HIVEP1: variants seen among roughly 807,000 people sequenced by gnomAD.
HIVEP1 encodes HIVEP zinc finger 1, also known as zinc finger protein 40.
HIVEP1 carries 36 observed loss-of-function variants against 180.0 expected under a neutral mutation model. The ratio of observed to expected loss-of-function variants is 0.20; its 90% CI spans 0.15 to 0.26. The LOEUF (loss-of-function observed/expected upper bound fraction) is 0.26. HIVEP1 is among the 10% of genes least tolerant of loss of function. The probability of loss-of-function intolerance (pLI) is 1.00; values close to 1 mark genes in which losing one functional copy is unlikely to be tolerated. For missense variants in HIVEP1, 3,143 were observed against 3,268.7 expected (o/e 0.96, Z 0.94); for synonymous variants, 1,239 against 1,239.0 (o/e 1.00, Z 0.00).
chr6:12,125,893 T>C, intron 4 of HIVEP1, 23 bp downstream of exon 4: 1 of 1,452,662 alleles, frequency 6.9e-7, no homozygotes, highest in Non-Finnish European at 9.4e-7. Flanking sequence ...TAATTTATCT[T>C]CAGATATGGT....
the HIVEP1 span, among the ~76,000 whole-genome samples, chr6:12,184,683 C>T: frequency 6.6e-6 from 1 of 152,160 alleles, no homozygotes; most frequent in African/African-American, 2.4e-5. Flanking sequence ...GAATGCATTT[C>T]CTGTTTCTCT....
intron 7 of HIVEP1, among the ~76,000 whole-genome samples, chr6:12,141,950 C>G (rs529201045): frequency 6.6e-6 from 1 of 152,136 alleles, no homozygotes; most frequent in South Asian, 2.1e-4. Context: ...CTTTAACACC[C>G]CACTGTCAGT....
chr6:12,077,822 G>A (rs1772470776), intron 2 of HIVEP1, among the ~76,000 whole-genome samples: 2 of 152,154 alleles, frequency 1.3e-5, no homozygotes, highest in Admixed American at 1.3e-4. Flanking sequence ...GAGGGGGTTG[G>A]ACAGTTATTT....
Position 12,120,822 on chromosome 6 carries a change from T to A in HIVEP1, c.1027T>A (p.Ser343Thr), listed in dbSNP as rs184153060. ...AGGCCTAACTTCACCTTCCAGTAGA[T>A]CTCAGGTTACTCCTCAAAACCAGCA... is the stretch of plus-strand genomic sequence containing the variant. ...SVGLTSPSSR[S>T]QVTPQNQQMD... Residue 343 changes from serine to threonine, a missense_variant, in exon 4 of 9, where the codon TCT becomes ACT. Ser to Thr is a moderately conservative substitution (Grantham distance 58). Around this residue, in one of 12 missense-constraint regions of HIVEP1, gnomAD observed 306 missense variants for 310.6 expected, o/e 0.99. Transcript: ENST00000379388. The A allele has an allele frequency of 6.2e-7, 1 of 1,614,156 alleles. No homozygotes were observed. The highest frequency in any genetic ancestry group is 8.5e-7 in the Non-Finnish European group (1 of 1,180,022).
chr6:12,208,918 G>T, the HIVEP1 span, among the ~76,000 whole-genome samples: 1 of 152,226 alleles, frequency 6.6e-6, no homozygotes, highest in East Asian at 1.9e-4. Context: ...TTGCGTTTAT[G>T]CAACCTTTTC....
At chr6:12,192,644 T>A in the HIVEP1 span, among the ~76,000 whole-genome samples, 1 of 152,116 alleles carries the variant, frequency 6.6e-6, no homozygotes, top group Non-Finnish European at 1.5e-5. Context: ...TGCCGCCATG[T>A]GAAGACGCGC....
chr6:12,208,610 C>A, the HIVEP1 span, among the ~76,000 whole-genome samples: 1 of 152,152 alleles, frequency 6.6e-6, no homozygotes, highest in East Asian at 1.9e-4. Flanking sequence ...GGAGATGAGT[C>A]TTTAAAGAGA....
chr6:12,052,629 A>G (rs766450100), intron 2 of HIVEP1, among the ~76,000 whole-genome samples: 80 of 152,308 alleles, frequency 5.3e-4, no homozygotes, highest in Non-Finnish European at 8.8e-4. Context: ...TTTTGTTATG[A>G]AAGAGGCTGA....
At chr6:12,017,060 G>C (rs1453832402) in intron 2 of HIVEP1, among the ~76,000 whole-genome samples, 1 of 152,210 alleles carries the variant, frequency 6.6e-6, no homozygotes, top group African/African-American at 2.4e-5. Context: ...TTGATCTGAA[G>C]GTGTTATTTA....
At chr6:12,012,242 G>T (rs1767381733), upstream of HIVEP1, 1 of 134,870 alleles carries the variant, frequency 7.4e-6, no homozygotes, top group South Asian at 2.3e-4. Context: ...CCGCCCGCGC[G>T]CCCCGCGCTC....
chr6:12,016,267 ATAG>A lies in HIVEP1; in HGVS notation c.40+603_40+605del, dbSNP rs1214167474. On this transcript the variant is annotated intron_variant, in intron 2 of 8. Transcript: ENST00000379388. ...TTTCCATCAACCGCGAATACTTTTA[ATAG>A]TAGAAAAGTAAGTGTATTCTAGCTT... is the stretch of plus-strand genomic sequence containing the variant. Among the ~76,000 whole-genome samples the A allele has an allele frequency of 7.2e-5, 11 of 152,344 alleles. No homozygotes were observed. The Middle Eastern group carries it at 0.01, about 141-fold the overall frequency.
At chr6:12,165,103 AT>A (rs753389818), downstream of HIVEP1, 13 of 510,156 alleles carry the variant, frequency 2.5e-5, no homozygotes, top group Admixed American at 8.0e-5. Flanking sequence ...TCAACCCTTC[AT>A]TTTTTTTATA....
At chr6:12,205,041 C>T in the HIVEP1 span, among the ~76,000 whole-genome samples, 1 of 152,070 alleles carries the variant, frequency 6.6e-6, no homozygotes, top group Non-Finnish European at 1.5e-5. Context: ...TGTGTTTTGG[C>T]TGGAGCAGAG....
upstream of HIVEP1, among the ~76,000 whole-genome samples, chr6:12,009,448 A>G (rs535703593): frequency 6.6e-6 from 1 of 152,338 alleles, no homozygotes; most frequent in South Asian, 2.1e-4. Context: ...AACCATAGAG[A>G]AATGGACCTC....
chr6:12,017,800 C>T (rs1767914774), intron 2 of HIVEP1, among the ~76,000 whole-genome samples: 1 of 152,194 alleles, frequency 6.6e-6, no homozygotes, highest in Non-Finnish European at 1.5e-5. Context: ...TTGGTGTATT[C>T]ACAATCCCTT....
Position 12,122,425 on chromosome 6 carries a change from A to T in HIVEP1, c.2630A>T (p.Asp877Val). 1 of 1,614,196 alleles carries T rather than the reference A, an allele frequency of 6.2e-7. No homozygotes were observed. Among genetic ancestry groups the T allele is most frequent in the Non-Finnish European group, 8.5e-7 (1 of 1,180,026 alleles). Residue 877 changes from aspartate (D) to valine (V), a missense_variant, in exon 4 of 9, where the codon GAT (aspartate) becomes GTT (valine). By Grantham distance (152) the Asp-to-Val change is radical (BLOSUM62 -3). Around this residue, in one of 12 missense-constraint regions of HIVEP1, gnomAD observed 204 missense variants for 243.7 expected, o/e 0.84. Coordinates refer to ENST00000379388, the MANE Select transcript of HIVEP1 (RefSeq NM_002114.4). The part of the protein sequence containing the change: ...FDDKIGAFYD[D>V]VFVSGPNAPV... Reference sequence around the variant, plus strand: ...GACAAAATTGGCGCTTTCTATGATGATGTCTTTGTATCGGGACCTAACGCT... The same window carrying T: ...GACAAAATTGGCGCTTTCTATGATGTTGTCTTTGTATCGGGACCTAACGCT...
At chr6:12,058,902 A>C (rs1771049426) in intron 2 of HIVEP1, among the ~76,000 whole-genome samples, 1 of 151,964 alleles carries the variant, frequency 6.6e-6, no homozygotes, top group South Asian at 2.1e-4. Context: ...TGTAGTTAAC[A>C]GCTGCTTTAT....
the HIVEP1 span, among the ~76,000 whole-genome samples, chr6:12,173,972 G>A: frequency 7.9e-5 from 12 of 152,184 alleles, no homozygotes; most frequent in Admixed American, 7.9e-4. Flanking sequence ...GTTAAGAACA[G>A]TTTTGATTCA....
chr6:12,059,404 G>T (rs560767655), intron 2 of HIVEP1, among the ~76,000 whole-genome samples: 18 of 152,074 alleles, frequency 1.2e-4, no homozygotes, highest in Non-Finnish European at 2.4e-4. Context: ...GGGGATTCCC[G>T]CTAAACATTT....
Sources: allele counts gnomAD v4.1 joint callset (sites outside exome capture counted in the v4.1 genomes callset), GRCh38; gene constraint gnomAD v4.1.1; regional missense constraint gnomAD v4.1.1; transcripts MANE v1.5; gene names NCBI Gene and HGNC (gene_info 2026-07-23, HGNC 2026-07-21).